HELZ: variants seen among roughly 807,000 people sequenced by gnomAD.
The protein encoded by HELZ is helicase with zinc finger.
Under a neutral mutation model 218.2 loss-of-function variants are expected in HELZ, and 23 were observed. The ratio of observed to expected loss-of-function variants is 0.11; its 90% CI spans 0.08 to 0.15. The LOEUF (loss-of-function observed/expected upper bound fraction) is 0.15, where lower values mean the gene tolerates loss of function less well. HELZ is among the 10% of genes least tolerant of loss of function. The pLI, the probability that HELZ is intolerant of heterozygous loss-of-function variation, is 1.00. For missense variants in HELZ, 1,813 were observed against 2,353.7 expected (o/e 0.77, Z 4.75); for synonymous variants, 814 against 829.4 (o/e 0.98, Z 0.32).
intron 21 of HELZ, 116 bp downstream of exon 21, chr17:67,145,627 T>G (rs2038470050): frequency 1.4e-6 from 1 of 720,528 alleles, no homozygotes; most frequent in Non-Finnish European, 2.3e-6. Context: ...ACTATTTACA[T>G]GTAAATGAAG....
At chr17:67,220,167 T>C (rs1208086077) in intron 3 of HELZ, among the ~76,000 whole-genome samples, 1 of 152,136 alleles carries the variant, frequency 6.6e-6, no homozygotes, top group Non-Finnish European at 1.5e-5. Context: ...TAATGACACA[T>C]GGGCCCTGCC....
intron 15 of HELZ, among the ~76,000 whole-genome samples, chr17:67,162,732 T>TA (rs1323003617): frequency 1.4e-5 from 2 of 144,710 alleles, no homozygotes; most frequent in South Asian, 2.2e-4. Context: ...TGCTTATTGT[T>TA]AATTTTTTTT....
chr17:67,155,964 AT>A (rs1362382525), intron 17 of HELZ, among the ~76,000 whole-genome samples: 7 of 148,654 alleles, frequency 4.7e-5, no homozygotes, highest in Admixed American at 2.7e-4. Flanking sequence ...TATAATTTTT[AT>A]TTTTATGTAT....
Position 67,078,364 on chromosome 17 carries a change from G to A in HELZ, c.5717C>T (p.Pro1906Leu), listed in dbSNP as rs775006965. The part of the protein sequence containing the change: ...YASALRAPPK[P>L]RPPPEQAKKS... ...CTTGGCCTGCTCAGGAGGGGGCCTGGGCTTTGGAGGGGCCCGCAGAGCGCT... is the reference window on the plus strand; with the variant it reads ...CTTGGCCTGCTCAGGAGGGGGCCTGAGCTTTGGAGGGGCCCGCAGAGCGCT... The change falls in exon 33 of 33, where the codon CCC becomes CTC. Residue 1906 changes from proline to leucine, a missense_variant. By Grantham distance (98) the Pro-to-Leu change is moderately conservative. Coordinates refer to ENST00000358691, the MANE Select transcript of HELZ (RefSeq NM_014877.4). 6.2e-7 allele frequency: 1 copy of A among 1,612,246 alleles called. No homozygotes were observed.
At chr17:67,196,040 TG>T (rs1567881904) in intron 7 of HELZ, among the ~76,000 whole-genome samples, 1 of 151,830 alleles carries the variant, frequency 6.6e-6, no homozygotes. Flanking sequence ...TTAGTAGAGA[TG>T]GGGTTTCACC....
intron 31 of HELZ, among the ~76,000 whole-genome samples, chr17:67,095,683 T>C (rs1042946429): frequency 6.6e-6 from 1 of 152,238 alleles, no homozygotes; most frequent in South Asian, 2.1e-4. Flanking sequence ...CTTCCTCCAC[T>C]GACTTCTTGA....
At position 67,218,598 on chromosome 17, in the gene HELZ, T is replaced by G. The variant is rs564215182; in HGVS notation, c.207A>C (p.Gln69His). ...SLLYRIASFL[Q>H]LKNYVQADED... The stretch of plus-strand genomic sequence containing the variant: ...CTTATTGACAGTGTTTACTCACCAG[T>G]TGCAAAAATGAGGCAATTCTGTAGA... The change falls in exon 4 of 33, where the codon CAA (glutamine) becomes CAC (histidine). Residue 69 changes from glutamine to histidine, a missense_variant. Around this residue, in one of 4 missense-constraint regions of HELZ, gnomAD observed 714 missense variants for 1,029.2 expected, o/e 0.69. Transcript: ENST00000358691. The G allele has an allele frequency of 3.1e-6, 5 of 1,611,700 alleles. No homozygotes were observed. The African/African-American group carries it at 5.3e-5, about 17-fold the overall frequency.
At position 67,140,936 on chromosome 17, in the gene HELZ, TA is replaced by T. The variant is rs1216983474; in HGVS notation, c.2770-2823del. Among the ~76,000 whole-genome samples the T allele has an allele frequency of 1.6e-4, 24 of 152,280 alleles. No individual in the cohort carries two copies. The East Asian group carries it at 3.5e-3, about 22-fold the overall frequency. On this transcript the variant is annotated intron_variant, in intron 21 of 32. Coordinates refer to ENST00000358691, the MANE Select transcript of HELZ (RefSeq NM_014877.4). ...AGTAAGAAAACATATTTCAATGTGC[TA>T]AAAGAAAAAATCCAACCAATTCAAC...
rs2039181211 is a variant in HELZ at position 67,167,520 on chromosome 17, T to C, written c.1707A>G (p.Leu569=). ...CTTCACAGCATTCCCTAGATAGCCT[T>C]AAAAATATATATTCCTTTGTTTTTT... ...IEEKTKEYIF[L]RLSRECCEEL... is the part of the protein sequence containing the mutation. Residue 569 remains leucine, a synonymous_variant, in exon 14 of 33, where the codon TTA becomes TTG. Coordinates refer to ENST00000358691, the MANE Select transcript of HELZ (RefSeq NM_014877.4). 1 of 1,613,750 alleles carries C rather than the reference T, an allele frequency of 6.2e-7. No homozygotes were observed. Among genetic ancestry groups the C allele is most frequent in the African/African-American group, 1.3e-5 (1 of 74,916 alleles).
chr17:67,204,821 A>T (rs2040255545), intron 5 of HELZ, among the ~76,000 whole-genome samples: 1 of 152,150 alleles, frequency 6.6e-6, no homozygotes, highest in East Asian at 1.9e-4. Context: ...GGAGTTATCA[A>T]GTGAAAAACT....
chr17:67,127,229 C>T (rs1234545214), intron 24 of HELZ, among the ~76,000 whole-genome samples: 1 of 152,160 alleles, frequency 6.6e-6, no homozygotes, highest in Admixed American at 6.5e-5. Context: ...TCCAACATGG[C>T]CACAGGCGGA....
At chr17:67,088,534 T>C (rs2036461689) in intron 31 of HELZ, among the ~76,000 whole-genome samples, 1 of 152,006 alleles carries the variant, frequency 6.6e-6, no homozygotes, top group East Asian at 1.9e-4. Context: ...GGGAAGAAAA[T>C]GGGTCTGGAC....
rs566098754 is a variant in HELZ at position 67,244,778 on chromosome 17, A to C, written c.-132+370T>G. On this transcript the variant is annotated intron_variant, in intron 1 of 32. Transcript: ENST00000358691. Reference sequence around the variant, plus strand: ...CTCCCCACCCCCAGCCGCGACCCGGAGGAGGGGAACGTGCCGGGAGGCTCG... The same window carrying C: ...CTCCCCACCCCCAGCCGCGACCCGGCGGAGGGGAACGTGCCGGGAGGCTCG... The C allele has an allele frequency of 2.4e-5, 24 of 984,918 alleles. No individual in the cohort carries two copies. In the African/African-American group the frequency reaches 3.8e-4, roughly 16 times the overall value. 61.0% of individuals were successfully genotyped at this position (984,918 alleles called of 1,614,324 possible).
intron 12 of HELZ, among the ~76,000 whole-genome samples, chr17:67,180,832 C>T (rs373005583): frequency 2.0e-5 from 3 of 146,616 alleles, no homozygotes; most frequent in African/African-American, 5.1e-5. Context: ...GAGCGGAGAT[C>T]GCGCCACTGC....
intron 3 of HELZ, among the ~76,000 whole-genome samples, chr17:67,223,118 G>T (rs1018156467): frequency 4.0e-5 from 6 of 150,684 alleles, no homozygotes; most frequent in African/African-American, 1.2e-4. Context: ...AAATTAGCCT[G>T]GCATGGTTGC....
intron 9 of HELZ, among the ~76,000 whole-genome samples, chr17:67,191,876 GATC>G (rs2039906285): frequency 6.8e-6 from 1 of 147,456 alleles, no homozygotes; most frequent in Non-Finnish European, 1.5e-5. Flanking sequence ...ATTGATAAAA[GATC>G]TTCTGAGAAA....
Position 67,136,440 on chromosome 17 carries a change from GC to G in HELZ, c.2954-243del, listed in dbSNP as rs568957266. 2.4e-3 allele frequency among the ~76,000 whole-genome samples: 371 copies of G among 152,270 alleles called. 1 individual carries two copies. Among genetic ancestry groups the G allele is most frequent in the African/African-American group, 8.6e-3 (357 of 41,572 alleles). The stretch of plus-strand genomic sequence containing the variant: ...CTACCATATGATCCAGCAATTCCAT[GC>G]TTACATACATACTCAAAAGAACTGA... On this transcript the variant is annotated intron_variant, in intron 22 of 32. Transcript: ENST00000358691.
chr17:67,081,026 T>C (rs1437949296), intron 32 of HELZ, among the ~76,000 whole-genome samples: 1 of 152,216 alleles, frequency 6.6e-6, no homozygotes, highest in Non-Finnish European at 1.5e-5. Flanking sequence ...GTAACTAAAT[T>C]TGGCTTAATT....
At chr17:67,174,748 GA>G (rs980086022) in intron 13 of HELZ, among the ~76,000 whole-genome samples, 1 of 152,106 alleles carries the variant, frequency 6.6e-6, no homozygotes, top group Non-Finnish European at 1.5e-5. Context: ...TGGTGAGCGA[GA>G]CTGCACCATT....
Sources: gnomAD v4.1 joint callset for allele counts (sites outside exome capture counted in the v4.1 genomes callset) on GRCh38, gnomAD v4.1.1 for gene constraint, gnomAD v4.1.1 regional missense constraint, MANE v1.5 for transcripts, NCBI Gene and HGNC (gene_info 2026-07-23, HGNC 2026-07-21) for gene names.